The following GAREM1 variants were observed in gnomAD, a reference collection of about 807,000 sequenced individuals.
The protein encoded by GAREM1 is GRB2 associated regulator of MAPK1 subtype 1.
GAREM1 carries 26 observed loss-of-function variants against 71.3 expected under a neutral mutation model. That is an observed-to-expected ratio of 0.36 (90% CI 0.27 to 0.51). GAREM1 has a LOEUF of 0.51. GAREM1 is among the 20% of genes least tolerant of loss of function. The pLI is 0.95. For missense variants in GAREM1, 1,026 were observed against 1,103.1 expected, an observed-to-expected ratio of 0.93 and a Z score of 0.99; for synonymous variants, 440 against 433.2, an observed-to-expected ratio of 1.02 and a Z score of -0.20.
intron 1 of GAREM1, among the ~76,000 whole-genome samples, chr18:32,399,114 T>C (rs1307242988): frequency 6.6e-6 from 1 of 152,158 alleles, no homozygotes. Flanking sequence ...TGGACAAAAT[T>C]CAACAGCCCT....
At position 32,278,159 on chromosome 18, in the gene GAREM1, G is replaced by A. The variant is rs142796376; in HGVS notation, c.1567-7776C>T. Among the ~76,000 whole-genome samples the A allele has an allele frequency of 1.6e-3, 243 of 152,262 alleles. 1 individual carries two copies. Among genetic ancestry groups the A allele is most frequent in the Non-Finnish European group, 2.5e-3 (171 of 68,016 alleles). Reference sequence around the variant, plus strand: ...GTAAAAGGACAGTTAACTAAGGCATGGTCTTAGCAGTTTTCAGATAGCCTT... The same window carrying A: ...GTAAAAGGACAGTTAACTAAGGCATAGTCTTAGCAGTTTTCAGATAGCCTT... On this transcript the variant is annotated intron_variant, in intron 4 of 5. Coordinates refer to ENST00000269209, the MANE Select transcript of GAREM1 (RefSeq NM_001242409.2).
At chr18:32,456,219 T>C (rs149144189) in intron 1 of GAREM1, among the ~76,000 whole-genome samples, 5 of 152,234 alleles carry the variant, frequency 3.3e-5, no homozygotes, top group Non-Finnish European at 7.4e-5. Context: ...ATTTCCATTA[T>C]ATACAGATAG....
chr18:32,454,877 A>G (rs2048873000), intron 1 of GAREM1, among the ~76,000 whole-genome samples: 1 of 152,186 alleles, frequency 6.6e-6, no homozygotes, highest in South Asian at 2.1e-4. Flanking sequence ...TCATTCAGAC[A>G]AAATTTTTGA....
At chr18:32,352,868 G>A (rs1465487777) in intron 2 of GAREM1, among the ~76,000 whole-genome samples, 2 of 152,142 alleles carry the variant, frequency 1.3e-5, no homozygotes, top group African/African-American at 4.8e-5. Flanking sequence ...CTGTGGCCAT[G>A]GGACAGAGGA....
At chr18:32,445,210 T>A (rs1466434735) in intron 1 of GAREM1, among the ~76,000 whole-genome samples, 1 of 152,094 alleles carries the variant, frequency 6.6e-6, no homozygotes, top group Non-Finnish European at 1.5e-5. Context: ...TGGAAAGACA[T>A]CAGCATCTAT....
intron 3 of GAREM1, among the ~76,000 whole-genome samples, chr18:32,302,673 T>C (rs549801312): frequency 1.3e-5 from 2 of 152,104 alleles, no homozygotes; most frequent in African/African-American, 4.8e-5. Flanking sequence ...AACTCATGGA[T>C]ACAGAGAGAA....
At chr18:32,399,793 G>A (rs1260461059) in intron 1 of GAREM1, among the ~76,000 whole-genome samples, 1 of 151,800 alleles carries the variant, frequency 6.6e-6, no homozygotes, top group Non-Finnish European at 1.5e-5. Context: ...AGCTACCAAT[G>A]ACTTTCTTCA....
At chr18:32,397,030 C>A (rs963205549) in intron 1 of GAREM1, among the ~76,000 whole-genome samples, 2 of 152,124 alleles carry the variant, frequency 1.3e-5, no homozygotes, top group East Asian at 1.9e-4. Flanking sequence ...GAATTTTCAA[C>A]CCAGAATTTC....
At chr18:32,411,822 T>C (rs1274839524) in intron 1 of GAREM1, among the ~76,000 whole-genome samples, 2 of 152,126 alleles carry the variant, frequency 1.3e-5, no homozygotes, top group Admixed American at 1.3e-4. Context: ...CTTCACACTG[T>C]TGGGGAAATT....
intron 4 of GAREM1, among the ~76,000 whole-genome samples, chr18:32,282,105 C>A (rs1017704560): frequency 9.2e-5 from 14 of 152,132 alleles, no homozygotes; most frequent in Non-Finnish European, 1.9e-4. Context: ...CCCCTATCTC[C>A]CTTCGCTGAC....
intron 1 of GAREM1, among the ~76,000 whole-genome samples, chr18:32,411,808 C>A (rs2048420625): frequency 6.6e-6 from 1 of 151,908 alleles, no homozygotes; most frequent in South Asian, 2.1e-4. Flanking sequence ...TGAAGGAATT[C>A]TAACTTCACA....
At chr18:32,468,488 G>A (rs1024091562) in intron 1 of GAREM1, among the ~76,000 whole-genome samples, 2 of 152,154 alleles carry the variant, frequency 1.3e-5, no homozygotes, top group African/African-American at 2.4e-5. Flanking sequence ...TGAAGAATTG[G>A]AATTACATAT....
chr18:32,428,507 C>T (rs1409009136), intron 1 of GAREM1, among the ~76,000 whole-genome samples: 1 of 152,072 alleles, frequency 6.6e-6, no homozygotes, highest in Non-Finnish European at 1.5e-5. Flanking sequence ...CACCTCTCCC[C>T]TCTCTCTCTT....
chr18:32,432,303 C>T (rs1199847686), intron 1 of GAREM1, among the ~76,000 whole-genome samples: 1 of 151,838 alleles, frequency 6.6e-6, no homozygotes. Context: ...TAAATGCTTA[C>T]ATTATAAAAG....
chr18:32,463,202 TATA>T (rs980395379), intron 1 of GAREM1, among the ~76,000 whole-genome samples: 2 of 152,194 alleles, frequency 1.3e-5, no homozygotes, highest in Non-Finnish European at 1.5e-5. Flanking sequence ...TATGTATTAA[TATA>T]ATGATTGTGT....
chr18:32,388,526 C>G (rs2048168278), intron 2 of GAREM1, among the ~76,000 whole-genome samples: 1 of 152,092 alleles, frequency 6.6e-6, no homozygotes, highest in Non-Finnish European at 1.5e-5. Flanking sequence ...AGCAGAGAAA[C>G]TGGACAATAC....
intron 1 of GAREM1, among the ~76,000 whole-genome samples, chr18:32,407,427 C>G (rs1467062487): frequency 6.6e-6 from 1 of 152,184 alleles, no homozygotes; most frequent in African/African-American, 2.4e-5. Flanking sequence ...GAGTGAAACT[C>G]TGTCTCAAAA....
At chr18:32,332,147 C>T (rs1019244715) in intron 2 of GAREM1, among the ~76,000 whole-genome samples, 2 of 151,722 alleles carry the variant, frequency 1.3e-5, no homozygotes, top group African/African-American at 4.8e-5. Context: ...TTCTGGTGTG[C>T]CTTCCTTTGG....
intron 1 of GAREM1, among the ~76,000 whole-genome samples, chr18:32,463,768 AC>A (rs1159739179): frequency 6.6e-6 from 1 of 151,624 alleles, no homozygotes; most frequent in Admixed American, 6.6e-5. Flanking sequence ...ACAGGGTTTC[AC>A]CGTGTTAGCC....
Sources: allele counts gnomAD v4.1 joint callset (sites outside exome capture counted in the v4.1 genomes callset), GRCh38; gene constraint gnomAD v4.1.1; transcripts MANE v1.5; gene names NCBI Gene and HGNC (gene_info 2026-07-23, HGNC 2026-07-21).